OC90: variants seen among roughly 807,000 people sequenced by gnomAD.
OC90 encodes the protein otoconin-90.
In OC90, 46 loss-of-function variants were observed where a neutral mutation model predicts 47.3. The ratio of observed to expected loss-of-function variants is 0.97; its 90% CI spans 0.77 to 1.24. OC90 has a LOEUF of 1.24. Ranked by LOEUF, OC90 falls within the 50% of genes most tolerant of loss-of-function variation. The probability of loss-of-function intolerance (pLI) is 0.00; values close to 1 mark genes in which losing one functional copy is unlikely to be tolerated. For missense variants in OC90, 688 were observed against 583.9 expected (o/e 1.18, Z -1.84); for synonymous variants, 271 against 219.5 (o/e 1.23, Z -2.07).
At chr8:132,026,334 A>G (rs1054041372) in intron 13 of OC90, among the ~76,000 whole-genome samples, 1 of 152,210 alleles carries the variant, frequency 6.6e-6, no homozygotes, top group Non-Finnish European at 1.5e-5. Flanking sequence ...ATGTTCATCA[A>G]CCAGATTTTT....
rs188546512 is a variant in OC90 at position 132,037,432 on chromosome 8, G to T, written c.679+6C>A. On this transcript the variant is annotated splice_donor_region_variant and intron_variant, in intron 9 of 13. Coordinates refer to ENST00000254627, the MANE Select transcript of OC90 (RefSeq NM_001080399.3). ...TTGGGTTCCACACTAGCCCCTTCTG[G>T]CTCACCTTCTCCTGAAAGGGCTGTC... is the stretch of plus-strand genomic sequence containing the variant. The T allele has an allele frequency of 6.3e-7, 1 of 1,579,296 alleles. No individual in the cohort carries two copies.
intron 2 of OC90, among the ~76,000 whole-genome samples, chr8:132,050,456 A>G (rs1035179842): frequency 6.6e-6 from 1 of 152,110 alleles, no homozygotes; most frequent in Non-Finnish European, 1.5e-5. Flanking sequence ...TCTAAGTAAG[A>G]TCCCAGGGAT....
chr8:132,050,859 G>A (rs149011895), intron 2 of OC90, among the ~76,000 whole-genome samples: 1 of 152,162 alleles, frequency 6.6e-6, no homozygotes, highest in African/African-American at 2.4e-5. Context: ...AATAAACTGG[G>A]AGTGGTGGCA....
intron 2 of OC90, among the ~76,000 whole-genome samples, chr8:132,049,444 G>T (rs1400257399): frequency 6.6e-6 from 1 of 152,196 alleles, no homozygotes; most frequent in African/African-American, 2.4e-5. Flanking sequence ...TGTTTTCACA[G>T]TGGATAAGTG....
intron 8 of OC90, 74 bp from the exon 9 acceptor site, chr8:132,037,562 A>G: frequency 7.3e-7 from 1 of 1,376,472 alleles, no homozygotes; most frequent in African/African-American, 1.4e-5. Context: ...GTCTCAAAGG[A>G]AAACAGGCTG....
At chr8:132,037,300 T>C (rs1822982826) in intron 9 of OC90, 138 bp downstream of exon 9, 3 of 729,456 alleles carry the variant, frequency 4.1e-6, no homozygotes, top group Non-Finnish European at 7.1e-6. Context: ...GGATTTCTCA[T>C]GAATAGTTTC....
At chr8:132,036,554 T>C (rs139746852) in intron 9 of OC90, 389 of 672,076 alleles carry the variant, frequency 5.8e-4, no homozygotes, top group African/African-American at 5.4e-3. Context: ...GGCTGCACAA[T>C]GGTGTTCACC....
chr8:132,048,723 C>A (rs1403174291), intron 2 of OC90, among the ~76,000 whole-genome samples: 2 of 151,600 alleles, frequency 1.3e-5, no homozygotes, highest in African/African-American at 4.9e-5. Context: ...CCCCACTCCC[C>A]CCTGTTTTAC....
At chr8:132,028,522 AAAGAAAAGAAAGAAAGAAAGAAAG>A (rs1822796720) in intron 13 of OC90, among the ~76,000 whole-genome samples, 2 of 136,582 alleles carry the variant, frequency 1.5e-5, no homozygotes, top group East Asian at 2.1e-4. Context: ...AAAAAGAAAG[AAAGAAAAGAAAGAAAGAAAGAAAG>A]AAAGAAAGAA....
intron 3 of OC90, among the ~76,000 whole-genome samples, chr8:132,045,540 C>T (rs1228832620): frequency 2.6e-5 from 4 of 152,194 alleles, no homozygotes; most frequent in Non-Finnish European, 5.9e-5. Flanking sequence ...ATAACCTTCA[C>T]GTCAGCCCAT....
intron 11 of OC90, among the ~76,000 whole-genome samples, chr8:132,032,498 G>C (rs1822890979): frequency 6.6e-6 from 1 of 152,008 alleles, no homozygotes; most frequent in South Asian, 2.1e-4. Context: ...CTCTTTCTCT[G>C]TCTCTATTTC....
At chr8:132,056,297 A>G (rs896676737) in intron 1 of OC90, among the ~76,000 whole-genome samples, 7 of 152,174 alleles carry the variant, frequency 4.6e-5, no homozygotes, top group African/African-American at 1.7e-4. Context: ...ATATGTACCC[A>G]GGGCCGTGAC....
At chr8:132,040,187 C>T (rs1182711669) in intron 6 of OC90, among the ~76,000 whole-genome samples, 3 of 152,188 alleles carry the variant, frequency 2.0e-5, no homozygotes, top group African/African-American at 7.2e-5. Flanking sequence ...CCAGCCAGTC[C>T]ATGTTATATA....
At chr8:132,034,708 T>G (rs1822929077) in intron 10 of OC90, 73 bp downstream of exon 10, 3 of 1,015,264 alleles carry the variant, frequency 3.0e-6, no homozygotes, top group Admixed American at 4.1e-5. Context: ...ACCCAGTTGA[T>G]ATCATAAATG....
intron 2 of OC90, among the ~76,000 whole-genome samples, chr8:132,046,606 T>A (rs1448527695): frequency 6.6e-6 from 1 of 152,072 alleles, no homozygotes; most frequent in African/African-American, 2.4e-5. Flanking sequence ...TATATGGGAG[T>A]TGGAATCCCA....
intron 13 of OC90, among the ~76,000 whole-genome samples, 142 bp downstream of exon 13, chr8:132,028,910 GAGGAAGGAAGGAAGGAAGGGA>G (rs1286522586): frequency 6.9e-6 from 1 of 145,326 alleles, no homozygotes; most frequent in African/African-American, 2.6e-5. Context: ...AAGAAGGAAA[GAGGAAGGAAGGAAGGAAGGGA>G]AGGAAGGAAG....
At chr8:132,025,410 T>C (rs1363803472) in intron 13 of OC90, among the ~76,000 whole-genome samples, 1 of 152,064 alleles carries the variant, frequency 6.6e-6, no homozygotes, top group East Asian at 1.9e-4. Context: ...AAGGGGAAAA[T>C]TGGCAGCATT....
intron 4 of OC90, among the ~76,000 whole-genome samples, chr8:132,042,873 C>T (rs1446507274): frequency 6.6e-6 from 1 of 152,150 alleles, no homozygotes; most frequent in African/African-American, 2.4e-5. Flanking sequence ...CTCAAATAAC[C>T]TAAAATAGAA....
intron 2 of OC90, chr8:132,049,984 T>G (rs1046761898): frequency 2.2e-5 from 9 of 404,032 alleles, no homozygotes; most frequent in Non-Finnish European, 4.8e-5. Context: ...CAAATTCACA[T>G]AAAATATGAC....
Sources: gnomAD v4.1 joint callset for allele counts (sites outside exome capture counted in the v4.1 genomes callset) on GRCh38, gnomAD v4.1.1 for gene constraint, MANE v1.5 for transcripts, NCBI Gene and HGNC (gene_info 2026-07-23, HGNC 2026-07-21) for gene names.